Variants in QTMAN observed in about 807,000 individuals in gnomAD.
QTMAN encodes queuosine-tRNA mannosyltransferase, also known as tRNA-queuosine alpha-mannosyltransferase.
At chr2:143,994,987 A>C in the QTMAN span, among the ~76,000 whole-genome samples, 6 of 152,190 alleles carry the variant, frequency 3.9e-5, no homozygotes, top group Middle Eastern at 3.2e-3. Flanking sequence ...CATATCTTTA[A>C]AACTATATCA....
At chr2:143,957,990 T>C in the QTMAN span, among the ~76,000 whole-genome samples, 39 of 152,126 alleles carry the variant, frequency 2.6e-4, no homozygotes, top group Non-Finnish European at 4.7e-4. Context: ...CATCAGCCCT[T>C]TGAATGAAAA....
chr2:144,025,897 G>C, the QTMAN span, among the ~76,000 whole-genome samples: 1 of 152,180 alleles, frequency 6.6e-6, no homozygotes, highest in South Asian at 2.1e-4. Flanking sequence ...CCGGTCTATT[G>C]AACAGGTTGG....
At chr2:144,159,606 G>A in the QTMAN span, among the ~76,000 whole-genome samples, 1 of 152,120 alleles carries the variant, frequency 6.6e-6, no homozygotes, top group Non-Finnish European at 1.5e-5. Context: ...AGAACAGTGA[G>A]ATAGTGAGTT....
chr2:143,944,756 T>C, the QTMAN span: 3 of 152,274 alleles, frequency 2.0e-5, no homozygotes, highest in African/African-American at 7.2e-5. Flanking sequence ...ATGTAAGCTT[T>C]TGTCCTGGAA....
At chr2:144,100,453 G>C in the QTMAN span, among the ~76,000 whole-genome samples, 2 of 152,116 alleles carry the variant, frequency 1.3e-5, no homozygotes, top group African/African-American at 4.8e-5. Context: ...ATTTATTCTT[G>C]ATTCTTGTAA....
the QTMAN span, among the ~76,000 whole-genome samples, chr2:144,325,238 T>G: frequency 6.6e-6 from 1 of 152,200 alleles, no homozygotes; most frequent in Non-Finnish European, 1.5e-5. Flanking sequence ...GAGTGTGGCT[T>G]TAATTTCAAA....
chr2:144,003,870 T>C, the QTMAN span, among the ~76,000 whole-genome samples: 4 of 152,090 alleles, frequency 2.6e-5, no homozygotes, highest in Non-Finnish European at 5.9e-5. Context: ...ATGATCCCAG[T>C]GTGGAACTAA....
At chr2:144,265,358 CA>C in the QTMAN span, among the ~76,000 whole-genome samples, 1 of 152,174 alleles carries the variant, frequency 6.6e-6, no homozygotes, top group Non-Finnish European at 1.5e-5. Flanking sequence ...ATATGGGAAA[CA>C]TATCTGTAAC....
the QTMAN span, among the ~76,000 whole-genome samples, chr2:144,331,868 G>A: frequency 7.2e-4 from 109 of 152,322 alleles, 1 homozygote; most frequent in Admixed American, 1.3e-3. Context: ...GGGCGCTGGG[G>A]AGGTCTGGTA....
chr2:144,250,240 T>C, the QTMAN span, among the ~76,000 whole-genome samples: 8 of 151,716 alleles, frequency 5.3e-5, no homozygotes, highest in Admixed American at 2.0e-4. Flanking sequence ...ACCTCCCAGG[T>C]TCCAGCGATT....
the QTMAN span, among the ~76,000 whole-genome samples, chr2:144,188,536 TG>T: frequency 2.7e-3 from 406 of 151,818 alleles, 1 homozygote; most frequent in Middle Eastern, 0.014. Context: ...GATGGATGGA[TG>T]GATGGATGGA....
chr2:144,227,148 A>T, the QTMAN span, among the ~76,000 whole-genome samples: 3,127 of 152,272 alleles, frequency 0.021, 112 homozygotes, highest in African/African-American at 0.072. Context: ...GGACCTGTAA[A>T]TCAGCATCAG....
chr2:144,122,919 C>A, the QTMAN span, among the ~76,000 whole-genome samples: 1 of 152,092 alleles, frequency 6.6e-6, no homozygotes, highest in African/African-American at 2.4e-5. Flanking sequence ...AGAACTGCCT[C>A]AAAGTACCCA....
the QTMAN span, among the ~76,000 whole-genome samples, chr2:144,218,463 T>C: frequency 6.6e-6 from 1 of 152,200 alleles, no homozygotes; most frequent in East Asian, 1.9e-4. Context: ...ACAGAAACAT[T>C]ATCTTGCTAC....
chr2:144,117,971 A>C, the QTMAN span, among the ~76,000 whole-genome samples: 1 of 151,752 alleles, frequency 6.6e-6, no homozygotes, highest in South Asian at 2.1e-4. Context: ...TCAGCCTCCC[A>C]AGTAGCTGGG....
At chr2:144,139,548 A>G in the QTMAN span, among the ~76,000 whole-genome samples, 1 of 152,082 alleles carries the variant, frequency 6.6e-6, no homozygotes, top group East Asian at 1.9e-4. Context: ...ACTCAAATAC[A>G]TGTATACATG....
the QTMAN span, chr2:144,127,823 G>A: frequency 6.6e-6 from 1 of 152,076 alleles, no homozygotes; most frequent in Non-Finnish European, 1.5e-5. Flanking sequence ...AAGTGGCTAA[G>A]ACTGGAACCC....
At chr2:144,269,646 A>C in the QTMAN span, among the ~76,000 whole-genome samples, 1 of 152,092 alleles carries the variant, frequency 6.6e-6, no homozygotes, top group African/African-American at 2.4e-5. Flanking sequence ...CTAATGAAAC[A>C]TTCCAAAATA....
the QTMAN span, among the ~76,000 whole-genome samples, chr2:144,084,112 T>A: frequency 6.6e-6 from 1 of 152,312 alleles, no homozygotes; most frequent in Admixed American, 6.5e-5. Flanking sequence ...CAGTCAAAGG[T>A]CCAAACAACA....
Sources: allele counts gnomAD v4.1 joint callset (sites outside exome capture counted in the v4.1 genomes callset), GRCh38; gene constraint gnomAD v4.1.1; transcripts MANE v1.5; gene names NCBI Gene and HGNC (gene_info 2026-07-23, HGNC 2026-07-21).